UCK2: variants seen among roughly 807,000 people sequenced by gnomAD.
UCK2 encodes the protein cytidine monophosphokinase 2.
A neutral mutation model predicts 30.8 loss-of-function variants in UCK2; 6 were observed. The ratio of observed to expected loss-of-function variants is 0.19; its 90% CI spans 0.11 to 0.38. The LOEUF is 0.38. Among genes scored for constraint, UCK2 ranks in the 10% least tolerant of loss-of-function variants. UCK2 has a pLI of 1.00. For missense variants in UCK2, 210 were observed against 339.8 expected (o/e 0.62, Z 3.00); for synonymous variants, 125 against 133.6 (o/e 0.94, Z 0.45).
chr1:165,896,487 C>T (rs1419001623), intron 4 of UCK2, among the ~76,000 whole-genome samples, 155 bp downstream of exon 4: 2 of 152,198 alleles, frequency 1.3e-5, no homozygotes, highest in South Asian at 2.1e-4. Context: ...TGCGTCAGTC[C>T]AGCCCCAGGA....
At chr1:165,834,236 A>T (rs922865505) in intron 1 of UCK2, among the ~76,000 whole-genome samples, 1 of 152,198 alleles carries the variant, frequency 6.6e-6, no homozygotes. Context: ...AAAAGATCCA[A>T]GTAGAGGAAA....
intron 1 of UCK2, among the ~76,000 whole-genome samples, chr1:165,866,866 G>GT (rs778604262): frequency 3.3e-5 from 5 of 152,160 alleles, no homozygotes; most frequent in Non-Finnish European, 7.3e-5. Context: ...ACGTATCATT[G>GT]TATGTATATA....
chr1:165,833,281 G>A (rs546514521), intron 1 of UCK2, among the ~76,000 whole-genome samples: 46 of 152,222 alleles, frequency 3.0e-4, no homozygotes, highest in African/African-American at 1.0e-3. Flanking sequence ...GCCATGATCT[G>A]GCCCTTCGGA....
intron 4 of UCK2, among the ~76,000 whole-genome samples, chr1:165,901,921 G>A (rs559342238): frequency 7.6e-6 from 1 of 131,118 alleles, no homozygotes; most frequent in South Asian, 2.4e-4. Context: ...ACTAGCCTGG[G>A]CAACAAAGCA....
chr1:165,834,877 A>G (rs937310053), intron 1 of UCK2, among the ~76,000 whole-genome samples: 3 of 152,172 alleles, frequency 2.0e-5, no homozygotes, highest in Non-Finnish European at 2.9e-5. Flanking sequence ...TGTCCCATGT[A>G]GTGTTTGGTA....
chr1:165,887,768 A>AT (rs1333322050), intron 1 of UCK2, among the ~76,000 whole-genome samples: 12 of 123,720 alleles, frequency 9.7e-5, no homozygotes, highest in South Asian at 4.8e-4. Context: ...AGAGCCTTTG[A>AT]TTTCCCCCCC....
At chr1:165,890,066 G>A (rs1052779081) in intron 1 of UCK2, 138 bp from the exon 2 acceptor site, 2 of 882,900 alleles carry the variant, frequency 2.3e-6, no homozygotes, top group Non-Finnish European at 3.6e-6. Flanking sequence ...AACTCATCAT[G>A]CACGATAGCT....
intron 1 of UCK2, among the ~76,000 whole-genome samples, chr1:165,871,382 A>C (rs949929957): frequency 6.6e-6 from 1 of 152,110 alleles, no homozygotes; most frequent in African/African-American, 2.4e-5. Flanking sequence ...ATCCCTTAGC[A>C]TGTGTGCAGC....
chr1:165,887,779 C>CG (rs397981811), intron 1 of UCK2, among the ~76,000 whole-genome samples: 5 of 151,812 alleles, frequency 3.3e-5, no homozygotes, highest in African/African-American at 4.8e-5. Context: ...TTTCCCCCCC[C>CG]ACCCATCCAT....
chr1:165,856,050 A>G (rs563846756), intron 1 of UCK2, among the ~76,000 whole-genome samples: 241 of 152,320 alleles, frequency 1.6e-3, no homozygotes, highest in African/African-American at 5.0e-3. Context: ...TATATAAACC[A>G]TAAAGAATTT....
chr1:165,872,955 T>C (rs891869048), intron 1 of UCK2, among the ~76,000 whole-genome samples: 1 of 152,310 alleles, frequency 6.6e-6, no homozygotes, highest in South Asian at 2.1e-4. Flanking sequence ...TTTTGTACCC[T>C]GTGAATTTTG....
rs547176564 is a variant in UCK2, at chr1:165,911,417, G to A, written c.*3594G>A. The A allele has an allele frequency of 6.1e-4, 93 of 152,290 alleles. No homozygotes were observed. The highest frequency in any genetic ancestry group is 1.9e-3 in the African/African-American group (77 of 41,552). The allele number at this position is 152,290 out of a possible 1,614,324, so 9.4% of individuals were successfully genotyped here. On this transcript the variant is annotated 3_prime_UTR_variant, in exon 7 of 7. Coordinates refer to ENST00000367879, the MANE Select transcript of UCK2 (RefSeq NM_012474.5). ...TGGCATTCCAGGTCAGCTTGGCTGT[G>A]GTCTTAGAGGCAGGGAGTGCCTACC...
At chr1:165,842,907 G>C (rs1377970327) in intron 1 of UCK2, among the ~76,000 whole-genome samples, 1 of 152,114 alleles carries the variant, frequency 6.6e-6, no homozygotes, top group East Asian at 1.9e-4. Flanking sequence ...AGCACTTCCA[G>C]TTCCCAGCTC....
chr1:165,859,612 G>A (rs563915708), intron 1 of UCK2, among the ~76,000 whole-genome samples: 3 of 152,176 alleles, frequency 2.0e-5, no homozygotes, highest in Admixed American at 6.5e-5. Flanking sequence ...CTTTGAGCCC[G>A]GGAGTTTGAG....
At chr1:165,895,974 C>A in intron 3 of UCK2, 1 of 557,300 alleles carries the variant, frequency 1.8e-6, no homozygotes, top group Non-Finnish European at 3.1e-6. Flanking sequence ...CAGAAGTGGT[C>A]AAAGGAGACC....
chr1:165,866,809 A>G (rs1030318835), intron 1 of UCK2, among the ~76,000 whole-genome samples: 1 of 152,216 alleles, frequency 6.6e-6, no homozygotes, highest in Non-Finnish European at 1.5e-5. Context: ...ATAATTCCTC[A>G]AGACTCATCG....
At chr1:165,880,077 G>A (rs1461658288) in intron 1 of UCK2, among the ~76,000 whole-genome samples, 1 of 152,194 alleles carries the variant, frequency 6.6e-6, no homozygotes, top group Non-Finnish European at 1.5e-5. Flanking sequence ...GTACAACAAA[G>A]CACTGTTGTG....
At chr1:165,899,332 G>C (rs3790664) in intron 4 of UCK2, among the ~76,000 whole-genome samples, 27 of 152,292 alleles carry the variant, frequency 1.8e-4, no homozygotes, top group African/African-American at 6.3e-4. Context: ...ACAGGGAGGA[G>C]GTGGGGCAGG....
chr1:165,873,392 C>A (rs1426421906), intron 1 of UCK2, among the ~76,000 whole-genome samples: 1 of 152,138 alleles, frequency 6.6e-6, no homozygotes, highest in Non-Finnish European at 1.5e-5. Flanking sequence ...AAAATGCTTG[C>A]CAAAATGGTA....
Sources: gnomAD v4.1 joint callset for allele counts (sites outside exome capture counted in the v4.1 genomes callset) on GRCh38, gnomAD v4.1.1 for gene constraint, MANE v1.5 for transcripts, NCBI Gene and HGNC (gene_info 2026-07-23, HGNC 2026-07-21) for gene names.